The following KSR2 variants were observed in gnomAD, a reference collection of about 807,000 sequenced individuals.
KSR2 encodes kinase suppressor of ras 2.
Under a neutral mutation model 107.8 loss-of-function variants are expected in KSR2, and 25 were observed. The ratio of observed to expected loss-of-function variants is 0.23; its 90% CI spans 0.17 to 0.32. The LOEUF is 0.32. Among genes scored for constraint, KSR2 ranks in the 10% least tolerant of loss-of-function variants. The pLI is 1.00. For synonymous variants in KSR2, 480 were observed against 507.0 expected (o/e 0.95, Z 0.71); for missense variants, 887 against 1,268.9 (o/e 0.70, Z 4.57).
intron 5 of KSR2, among the ~76,000 whole-genome samples, chr12:117,659,691 G>A (rs144875354): frequency 3.3e-5 from 5 of 152,296 alleles, no homozygotes; most frequent in Non-Finnish European, 7.4e-5. Flanking sequence ...TTCCCCATCT[G>A]TAAAACAAGG....
intron 3 of KSR2, among the ~76,000 whole-genome samples, chr12:117,783,401 A>G (rs373127099): frequency 1.3e-5 from 2 of 152,154 alleles, no homozygotes; most frequent in East Asian, 1.9e-4. Flanking sequence ...ATCCTGATTC[A>G]CTTATCAGAG....
intron 1 of KSR2, among the ~76,000 whole-genome samples, chr12:117,910,951 C>T (rs929112132): frequency 6.6e-6 from 1 of 152,142 alleles, no homozygotes; most frequent in Non-Finnish European, 1.5e-5. Context: ...CCAACTAGAG[C>T]AAGGTCGTAG....
Position 117,479,542 on chromosome 12 carries a change from AC to A in KSR2, c.2451-2948del, listed in dbSNP as rs538447289. ...CCTCTACTCATTACAGGCCGTTAGC[AC>A]CCCCCTCCCCCTAATCATGACAACT... On this transcript the variant is annotated intron_variant, in intron 16 of 19. Coordinates refer to ENST00000339824, the MANE Select transcript of KSR2 (RefSeq NM_173598.6). Among the ~76,000 whole-genome samples, 21 of 151,778 alleles carry A rather than the reference AC, an allele frequency of 1.4e-4. No individual in the cohort carries two copies. The South Asian group carries it at 2.7e-3, about 20-fold the overall frequency.
intron 1 of KSR2, among the ~76,000 whole-genome samples, chr12:117,955,079 T>C (rs1331006432): frequency 6.6e-6 from 1 of 151,956 alleles, no homozygotes; most frequent in Non-Finnish European, 1.5e-5. Flanking sequence ...CCTGAATGCA[T>C]GATTCCATTT....
At position 117,838,128 on chromosome 12, in the gene KSR2, G is replaced by A. The variant is rs574038409; in HGVS notation, c.472+17300C>T. 1.5e-4 allele frequency among the ~76,000 whole-genome samples: 23 copies of A among 152,338 alleles called. No individual in the cohort carries two copies. In the South Asian group the frequency reaches 3.1e-3, roughly 21 times the overall value. On this transcript the variant is annotated intron_variant, in intron 3 of 19. Transcript: ENST00000339824. The stretch of plus-strand genomic sequence containing the variant: ...TCCCCAAAGAACTCAGTCTGATGCA[G>A]AACAGACCCCAAAAGTCAGCACAAT...
intron 9 of KSR2, among the ~76,000 whole-genome samples, chr12:117,544,476 A>G (rs186061869): frequency 9.3e-4 from 141 of 152,174 alleles, no homozygotes; most frequent in Admixed American, 2.0e-3. Flanking sequence ...AAAATTAGCC[A>G]GGTGCGGTGG....
intron 3 of KSR2, among the ~76,000 whole-genome samples, chr12:117,826,810 C>T (rs903213026): frequency 9.2e-5 from 14 of 151,994 alleles, no homozygotes; most frequent in Non-Finnish European, 1.3e-4. Context: ...GACAGCTGGG[C>T]GCAGTGGCTC....
intron 3 of KSR2, among the ~76,000 whole-genome samples, chr12:117,854,008 A>C (rs1340265060): frequency 2.0e-5 from 3 of 151,648 alleles, no homozygotes; most frequent in African/African-American, 7.3e-5. Flanking sequence ...TCTGCCCCCC[A>C]TTTTATTTTT....
At chr12:117,542,169 G>C (rs1876541658) in intron 9 of KSR2, among the ~76,000 whole-genome samples, 1 of 152,048 alleles carries the variant, frequency 6.6e-6, no homozygotes. Flanking sequence ...TAGGATTACA[G>C]GTGTGGGTCA....
At chr12:117,597,065 G>T (rs1481863071) in intron 5 of KSR2, among the ~76,000 whole-genome samples, 2 of 152,040 alleles carry the variant, frequency 1.3e-5, no homozygotes, top group East Asian at 1.9e-4. Flanking sequence ...TATCTCCCGT[G>T]CAAGGGCATG....
chr12:117,660,514 T>C (rs1268957517), intron 5 of KSR2, among the ~76,000 whole-genome samples: 1 of 152,172 alleles, frequency 6.6e-6, no homozygotes, highest in Non-Finnish European at 1.5e-5. Context: ...CCTCTTCTTA[T>C]GAGGACACCA....
intron 1 of KSR2, among the ~76,000 whole-genome samples, chr12:117,876,651 TTA>T (rs1186355608): frequency 1.3e-5 from 2 of 151,774 alleles, no homozygotes; most frequent in Non-Finnish European, 2.9e-5. Flanking sequence ...CAATAATACA[TTA>T]TGTCATATTT....
intron 5 of KSR2, among the ~76,000 whole-genome samples, chr12:117,603,876 C>T (rs186769310): frequency 1.7e-3 from 252 of 152,334 alleles, no homozygotes; most frequent in Admixed American, 4.4e-3. Flanking sequence ...CAGAAACCAG[C>T]CCTTTCAGAC....
At chr12:117,597,130 G>A (rs962680009) in intron 5 of KSR2, among the ~76,000 whole-genome samples, 3 of 152,198 alleles carry the variant, frequency 2.0e-5, no homozygotes, top group Non-Finnish European at 4.4e-5. Flanking sequence ...ACAAGAGACA[G>A]CTGAATTCTT....
rs1296034211 is a variant in KSR2 at position 117,509,377 on chromosome 12, G to C, written c.2219+15475C>G. ...CTCCAATTCAGGAGCCAGGTGGTGA[G>C]ATAAGGCCTAGGGATAGGGCAGCAC... is the stretch of plus-strand genomic sequence containing the variant. On this transcript the variant is annotated intron_variant, in intron 14 of 19. Transcript: ENST00000339824. Among the ~76,000 whole-genome samples the C allele has an allele frequency of 1.3e-5, 2 of 152,158 alleles. 1 individual carries two copies. The highest frequency in any genetic ancestry group is 6.3e-3 in the Middle Eastern group (2 of 316).
In KSR2 at chr12:117,555,211, CAGGTCTGAATAGCG is replaced by C; in HGVS notation, c.1462_1475del (p.Arg488AlafsTer47). On this transcript the variant is annotated frameshift_variant, in exon 9 of 20. Transcript: ENST00000339824. LOFTEE classifies it high-confidence loss of function. ...TTTTGGGGAGCGTCTGACTGATGTG[CAGGTCTGAATAGCG>C]AGGTGGCTTCCGTAGAGGGTTGTTG... The C allele has an allele frequency of 6.2e-7, 1 of 1,613,942 alleles. No homozygotes were observed. Among genetic ancestry groups the C allele is most frequent in the Admixed American group, 1.7e-5 (1 of 60,022 alleles).
At chr12:117,765,886 AC>A (rs1889207969) in intron 3 of KSR2, among the ~76,000 whole-genome samples, 2 of 152,254 alleles carry the variant, frequency 1.3e-5, no homozygotes, top group African/African-American at 2.4e-5. Context: ...GTCAATGCCA[AC>A]AAATGGCAGA....
chr12:117,850,957 C>T (rs1892899637), intron 3 of KSR2, among the ~76,000 whole-genome samples: 1 of 152,128 alleles, frequency 6.6e-6, no homozygotes, highest in African/African-American at 2.4e-5. Context: ...CATTTAAAAA[C>T]AAATTGCTCC....
In KSR2 at chr12:117,454,672, A is replaced by T. The variant is rs2137084165; in HGVS notation, c.*12527T>A. ...GAGACCCTCAGTGTAGGGTCTTTCC[A>T]TAAATACATTTCCACGTTCACACAT... On this transcript the variant is annotated 3_prime_UTR_variant, in exon 20 of 20. Transcript: ENST00000339824. The T allele has an allele frequency of 6.6e-6, 1 of 152,302 alleles. No homozygotes were observed. The highest frequency in any genetic ancestry group is 2.4e-5 in the African/African-American group (1 of 41,556). The allele number at this position is 152,302 out of a possible 1,614,324, so 9.4% of individuals were successfully genotyped here.
Sources: allele counts gnomAD v4.1 joint callset (sites outside exome capture counted in the v4.1 genomes callset), GRCh38; gene constraint gnomAD v4.1.1; transcripts MANE v1.5; gene names NCBI Gene and HGNC (gene_info 2026-07-23, HGNC 2026-07-21).